The following TTLL9 variants were observed in gnomAD, a reference collection of about 807,000 sequenced individuals.
TTLL9 encodes tubulin tyrosine ligase like 9.
TTLL9 carries 47 observed loss-of-function variants against 65.6 expected under a neutral mutation model. The ratio of observed to expected loss-of-function variants is 0.72; its 90% CI spans 0.57 to 0.91. The LOEUF is 0.91. TTLL9 is among the 40% of genes least tolerant of loss of function. The pLI is 0.00. For missense variants in TTLL9, 537 were observed against 568.8 expected (o/e 0.94, Z 0.57); for synonymous variants, 179 against 204.8 (o/e 0.87, Z 1.07).
chr20:31,906,072 AG>A (rs2063554318), intron 4 of TTLL9, among the ~76,000 whole-genome samples: 1 of 151,378 alleles, frequency 6.6e-6, no homozygotes, highest in South Asian at 2.1e-4. Context: ...AAAATTCCAA[AG>A]GGATCTCCAT....
chr20:31,884,570 G>A (rs1023603767), intron 2 of TTLL9, among the ~76,000 whole-genome samples: 3 of 152,160 alleles, frequency 2.0e-5, no homozygotes, highest in Non-Finnish European at 4.4e-5. Flanking sequence ...AAGGGGTCTC[G>A]CTGGGCTAAA....
intron 3 of TTLL9, among the ~76,000 whole-genome samples, chr20:31,887,855 C>CCTCTCCTCTTCTCTTCTCTTCTCTT (rs1555807859): frequency 5.4e-4 from 62 of 115,020 alleles, no homozygotes; most frequent in East Asian, 2.9e-3. Context: ...TATCTCCTCT[C>CCTCTCCTCTTCTCTTCTCTTCTCTT]CTCTTCTCTT....
At chr20:31,889,093 T>C (rs958904311) in intron 3 of TTLL9, among the ~76,000 whole-genome samples, 1 of 152,006 alleles carries the variant, frequency 6.6e-6, no homozygotes. Flanking sequence ...TATTTTTTAT[T>C]TATGTGCCTT....
At chr20:31,879,355 A>G (rs1248524909) in intron 2 of TTLL9, among the ~76,000 whole-genome samples, 1 of 152,192 alleles carries the variant, frequency 6.6e-6, no homozygotes, top group East Asian at 1.9e-4. Flanking sequence ...ATGAGCTATC[A>G]CTGTAATCAC....
chr20:31,884,301 C>T (rs571586158), intron 2 of TTLL9, among the ~76,000 whole-genome samples: 20 of 152,304 alleles, frequency 1.3e-4, no homozygotes, highest in African/African-American at 4.6e-4. Flanking sequence ...TCTCAGCTCA[C>T]TGCAACCTCC....
At chr20:31,925,357 T>C (rs574522637) in intron 9 of TTLL9, among the ~76,000 whole-genome samples, 4 of 152,174 alleles carry the variant, frequency 2.6e-5, no homozygotes, top group African/African-American at 9.7e-5. Flanking sequence ...AGGTTTTATC[T>C]CATTCAGGCC....
intron 10 of TTLL9, among the ~76,000 whole-genome samples, chr20:31,929,398 A>G (rs145575185): frequency 6.6e-6 from 1 of 152,234 alleles, no homozygotes; most frequent in Non-Finnish European, 1.5e-5. Context: ...AATATTCAGA[A>G]CAGTGCAAAA....
At chr20:31,897,814 G>C (rs1260566312) in intron 3 of TTLL9, among the ~76,000 whole-genome samples, 1 of 152,162 alleles carries the variant, frequency 6.6e-6, no homozygotes, top group Non-Finnish European at 1.5e-5. Context: ...GTGTTCTTGG[G>C]GGTCTGGCTG....
chr20:31,898,342 C>A, intron 3 of TTLL9, 131 bp from the exon 4 acceptor site: 1 of 666,910 alleles, frequency 1.5e-6, no homozygotes, highest in Admixed American at 2.6e-5. Flanking sequence ...TGCTCTAATG[C>A]TAAATTCTGA....
intron 10 of TTLL9, 67 bp downstream of exon 10, chr20:31,926,158 A>G (rs2063903366): frequency 9.2e-7 from 1 of 1,083,782 alleles, no homozygotes; most frequent in Admixed American, 1.8e-5. Context: ...TCCATGGGAG[A>G]GGCCAACTCT....
rs2064265168 is a variant in TTLL9 at position 31,943,733 on chromosome 20, T to C, written c.*712T>C. On this transcript the variant is annotated 3_prime_UTR_variant, in exon 15 of 15. Transcript: ENST00000535842. ...GGGTCTCTGCAAAGGTGCATTTATC[T>C]AAGTCAGATGGGTGACTTAAGTGCT... 2.2e-6 allele frequency: 1 copy of C among 456,608 alleles called. No individual in the cohort carries two copies. Among genetic ancestry groups the C allele is most frequent in the Non-Finnish European group, 4.4e-6 (1 of 226,982 alleles). The allele number at this position is 456,608 out of a possible 1,614,324, so 28.3% of individuals were successfully genotyped here. A position where few individuals can be genotyped will look rare whatever the true frequency, so the allele number is the denominator to read the frequency against.
intron 2 of TTLL9, among the ~76,000 whole-genome samples, chr20:31,877,391 C>T (rs1292430973): frequency 2.0e-5 from 3 of 152,144 alleles, no homozygotes; most frequent in Admixed American, 6.6e-5. Context: ...CCTTGGCCTC[C>T]CGAAGTGCTG....
chr20:31,870,919 T>TGCTCTTCA lies in TTLL9; in HGVS notation c.-34_-27dup. 1.7e-6 allele frequency: 1 copy of TGCTCTTCA among 602,122 alleles called. No homozygotes were observed. Among genetic ancestry groups the TGCTCTTCA allele is most frequent in the Admixed American group, 2.8e-5 (1 of 35,238 alleles). 37.3% of individuals were successfully genotyped at this position (602,122 alleles called of 1,614,324 possible). On this transcript the variant is annotated 5_prime_UTR_variant, in exon 1 of 15. The change abolishes the stop of an existing upstream ORF in the 5' untranslated region. Coordinates refer to ENST00000535842, the MANE Select transcript of TTLL9 (RefSeq NM_001008409.5). This position sits in a 1 kb window ranked among gnomAD's most constrained non-coding sequence, Gnocchi z 6.6. Reference sequence around the variant, plus strand: ...TGGACTTTGATCGCCGAGGGCTCTCTGCTCTTCAGAGTCTGCTTGGAACGG... The same window carrying TGCTCTTCA: ...TGGACTTTGATCGCCGAGGGCTCTCTGCTCTTCAGCTCTTCAGAGTCTGCTTGGAACGG...
chr20:31,908,572 GC>G lies in TTLL9; in HGVS notation c.207-14del. Reference sequence around the variant, plus strand: ...TCCTCAGACCATGACCTTTATCCCCGCCCCCACCCCACCCCCAGCGAAGGGG... The same window carrying G: ...TCCTCAGACCATGACCTTTATCCCCGCCCCACCCCACCCCCAGCGAAGGGG... On this transcript the variant is annotated intron_variant, in intron 4 of 14. Coordinates refer to ENST00000535842, the MANE Select transcript of TTLL9 (RefSeq NM_001008409.5). 1.9e-6 allele frequency: 2 copies of G among 1,069,422 alleles called. No individual in the cohort carries two copies. The highest frequency in any genetic ancestry group is 2.9e-6 in the Non-Finnish European group (2 of 692,254). 66.2% of individuals were successfully genotyped at this position (1,069,422 alleles called of 1,614,324 possible).
chr20:31,936,490 AT>A (rs1404050302), intron 12 of TTLL9, among the ~76,000 whole-genome samples: 1 of 151,730 alleles, frequency 6.6e-6, no homozygotes, highest in African/African-American at 2.4e-5. Flanking sequence ...AAAAAAGTCT[AT>A]TTTTGGCTTT....
At chr20:31,905,026 C>T (rs1452764479) in intron 4 of TTLL9, among the ~76,000 whole-genome samples, 1 of 152,024 alleles carries the variant, frequency 6.6e-6, no homozygotes, top group Non-Finnish European at 1.5e-5. Context: ...GCCAGCCAGC[C>T]GGGAATCTGT....
chr20:31,899,610 G>A (rs963200912), intron 4 of TTLL9, among the ~76,000 whole-genome samples: 10 of 151,680 alleles, frequency 6.6e-5, no homozygotes, highest in Non-Finnish European at 1.5e-4. Context: ...CTCCAGCCTG[G>A]GTGACAGAGC....
chr20:31,891,775 C>T (rs2063310305), intron 3 of TTLL9, among the ~76,000 whole-genome samples: 1 of 152,236 alleles, frequency 6.6e-6, no homozygotes, highest in South Asian at 2.1e-4. Flanking sequence ...ACAATGTGTA[C>T]CATATTAAAA....
chr20:31,887,068 T>C, intron 2 of TTLL9, 128 bp from the exon 3 acceptor site: 1 of 901,282 alleles, frequency 1.1e-6, no homozygotes, highest in Non-Finnish European at 1.8e-6. Flanking sequence ...GGCTGGACCT[T>C]CGTGTCTCAG....
Sources: gnomAD v4.1 joint callset for allele counts (sites outside exome capture counted in the v4.1 genomes callset) on GRCh38, gnomAD v4.1.1 for gene constraint, Gnocchi (gnomAD v3.1) non-coding constraint, MANE v1.5 for transcripts, NCBI Gene and HGNC (gene_info 2026-07-23, HGNC 2026-07-21) for gene names.